Variants in SGCZ observed in about 807,000 individuals in gnomAD.
The protein encoded by SGCZ is sarcoglycan zeta.
SGCZ carries 40 observed loss-of-function variants against 41.3 expected under a neutral mutation model. The ratio of observed to expected loss-of-function variants is 0.97; its 90% CI spans 0.75 to 1.26. The LOEUF is 1.26. SGCZ is among the 50% of genes most tolerant of loss of function. The pLI is 0.00. For synonymous variants in SGCZ, 206 were observed against 137.5 expected, an observed-to-expected ratio of 1.50 and a Z score of -3.49; for missense variants, 552 against 369.8, an observed-to-expected ratio of 1.49 and a Z score of -4.04.
At chr8:14,277,517 AG>A (rs1203390080) in intron 3 of SGCZ, among the ~76,000 whole-genome samples, 2 of 152,176 alleles carry the variant, frequency 1.3e-5, no homozygotes, top group African/African-American at 4.8e-5. Flanking sequence ...ACTTGACTGA[AG>A]GGTAACCTTT....
chr8:14,819,194 A>G (rs1490118346), intron 1 of SGCZ, among the ~76,000 whole-genome samples: 1 of 152,174 alleles, frequency 6.6e-6, no homozygotes, highest in Non-Finnish European at 1.5e-5. Flanking sequence ...GTGTCAAGTC[A>G]CATATAAGGG....
intron 1 of SGCZ, among the ~76,000 whole-genome samples, chr8:14,895,072 A>G (rs1240835663): frequency 6.6e-6 from 1 of 152,198 alleles, no homozygotes; most frequent in African/African-American, 2.4e-5. Flanking sequence ...ATGATCTATA[A>G]TTTTGGTTTC....
chr8:14,763,007 T>C lies in SGCZ; in HGVS notation c.40-208081A>G, dbSNP rs971305871. ...TATAAAGCAGAATTAACATCTAAGT[T>C]GTAGCTTAGTACATAAATATCATAC... On this transcript the variant is annotated intron_variant, in intron 1 of 7. Coordinates refer to ENST00000382080, the MANE Select transcript of SGCZ (RefSeq NM_139167.4). 3.3e-5 allele frequency among the ~76,000 whole-genome samples: 5 copies of C among 152,220 alleles called. No homozygotes were observed. The East Asian group carries it at 7.7e-4, about 23-fold the overall frequency.
chr8:14,129,776 G>A (rs986574454), intron 5 of SGCZ, among the ~76,000 whole-genome samples: 2 of 150,758 alleles, frequency 1.3e-5, no homozygotes, highest in Non-Finnish European at 3.0e-5. Flanking sequence ...GAATAAATTT[G>A]ACAAAAAAGG....
chr8:14,272,479 T>G (rs1209511412), intron 3 of SGCZ, among the ~76,000 whole-genome samples: 1 of 152,118 alleles, frequency 6.6e-6, no homozygotes, highest in Non-Finnish European at 1.5e-5. Flanking sequence ...ACTTGGAAAT[T>G]TTTGTGGGGT....
At chr8:14,764,007 C>G (rs1799967103) in intron 1 of SGCZ, among the ~76,000 whole-genome samples, 1 of 152,242 alleles carries the variant, frequency 6.6e-6, no homozygotes, top group Non-Finnish European at 1.5e-5. Flanking sequence ...ATGCTATTCC[C>G]TATCAAGTTC....
chr8:14,773,062 T>C (rs569926166), intron 1 of SGCZ, among the ~76,000 whole-genome samples: 8 of 152,314 alleles, frequency 5.3e-5, no homozygotes, highest in African/African-American at 1.7e-4. Context: ...AAAGTGTTCC[T>C]ATTTCTCCAC....
At chr8:14,877,894 G>C (rs959395685) in intron 1 of SGCZ, among the ~76,000 whole-genome samples, 1 of 151,988 alleles carries the variant, frequency 6.6e-6, no homozygotes, top group African/African-American at 2.4e-5. Flanking sequence ...TTATGCAAAA[G>C]GGTTTTTTTT....
At chr8:14,946,858 T>C (rs1000660942) in intron 1 of SGCZ, among the ~76,000 whole-genome samples, 9 of 151,936 alleles carry the variant, frequency 5.9e-5, no homozygotes, top group Admixed American at 2.0e-4. Flanking sequence ...GTATTTTTAG[T>C]AGAGACGGGG....
At chr8:14,754,467 T>C (rs1799595997) in intron 1 of SGCZ, among the ~76,000 whole-genome samples, 1 of 152,206 alleles carries the variant, frequency 6.6e-6, no homozygotes, top group Admixed American at 6.5e-5. Context: ...TTGCTTATTA[T>C]TGCTTCTTGT....
chr8:14,596,221 G>A (rs1299217795), intron 1 of SGCZ, among the ~76,000 whole-genome samples: 2 of 152,124 alleles, frequency 1.3e-5, no homozygotes, highest in Non-Finnish European at 2.9e-5. Context: ...ACTGTCTTCA[G>A]GCAAAATATT....
intron 1 of SGCZ, among the ~76,000 whole-genome samples, chr8:14,881,715 T>A (rs1033971845): frequency 3.3e-5 from 5 of 152,260 alleles, no homozygotes; most frequent in Admixed American, 6.5e-5. Flanking sequence ...TGAACTCAGC[T>A]CCAGATCAAG....
chr8:14,305,704 G>A (rs1374281858), intron 3 of SGCZ, among the ~76,000 whole-genome samples: 3 of 152,050 alleles, frequency 2.0e-5, no homozygotes, highest in Non-Finnish European at 4.4e-5. Flanking sequence ...TTTTCCCATC[G>A]CTGTATTTCC....
At chr8:15,174,786 T>G (rs1283948935) in intron 1 of SGCZ, among the ~76,000 whole-genome samples, 1 of 152,360 alleles carries the variant, frequency 6.6e-6, no homozygotes, top group East Asian at 1.9e-4. Context: ...GTGCATTTCC[T>G]TGACTAGCGA....
At chr8:14,133,176 A>C (rs1387409229) in intron 5 of SGCZ, among the ~76,000 whole-genome samples, 1 of 152,168 alleles carries the variant, frequency 6.6e-6, no homozygotes, top group Non-Finnish European at 1.5e-5. Flanking sequence ...TTTTGTGAAC[A>C]TGTATCTTGC....
intron 1 of SGCZ, among the ~76,000 whole-genome samples, chr8:15,014,195 T>A (rs1290967088): frequency 6.6e-6 from 1 of 152,184 alleles, no homozygotes; most frequent in Non-Finnish European, 1.5e-5. Flanking sequence ...GAGAAGCTAC[T>A]CTAGTTGTCA....
intron 2 of SGCZ, among the ~76,000 whole-genome samples, chr8:14,348,035 G>C (rs1363313173): frequency 6.6e-6 from 1 of 151,948 alleles, no homozygotes; most frequent in Non-Finnish European, 1.5e-5. Flanking sequence ...AGAAATTCCA[G>C]GGGTACATCT....
intron 4 of SGCZ, among the ~76,000 whole-genome samples, chr8:14,235,052 G>T (rs910684340): frequency 6.6e-6 from 1 of 152,040 alleles, no homozygotes; most frequent in African/African-American, 2.4e-5. Context: ...ATTCCCTACC[G>T]TTTGTAGACA....
intron 1 of SGCZ, among the ~76,000 whole-genome samples, chr8:14,557,431 A>C (rs1804067744): frequency 6.6e-6 from 1 of 151,990 alleles, no homozygotes; most frequent in African/African-American, 2.4e-5. Context: ...TCTTCAATTT[A>C]AGTCCTAGCT....
Sources: gnomAD v4.1 joint callset for allele counts (sites outside exome capture counted in the v4.1 genomes callset) on GRCh38, gnomAD v4.1.1 for gene constraint, MANE v1.5 for transcripts, NCBI Gene and HGNC (gene_info 2026-07-23, HGNC 2026-07-21) for gene names.